ABCA3: variants seen among roughly 807,000 people sequenced by gnomAD.
ABCA3 encodes the protein ATP binding cassette subfamily A member 3.
In ABCA3, 88 loss-of-function variants were observed where a neutral mutation model predicts 172.8. The observed-to-expected ratio is 0.51, with a 90% CI of 0.43 to 0.61. ABCA3 has a LOEUF of 0.61. Ranked by LOEUF, ABCA3 falls within the 20% of genes least tolerant of loss-of-function variation. The probability of loss-of-function intolerance (pLI) is 0.00; values close to 1 mark genes in which losing one functional copy is unlikely to be tolerated. For missense variants in ABCA3, 2,164 were observed against 2,301.0 expected, an observed-to-expected ratio of 0.94 and a Z score of 1.22; for synonymous variants, 1,066 against 983.8, an observed-to-expected ratio of 1.08 and a Z score of -1.56.
intron 7 of ABCA3, chr16:2,323,258 G>A (rs1278303045): frequency 3.6e-6 from 2 of 548,728 alleles, no homozygotes; most frequent in Non-Finnish European, 6.5e-6. Flanking sequence ...GATTCCTCAG[G>A]GATCTAGAAC....
chr16:2,277,218 C>A lies in ABCA3; in HGVS notation c.4983+379G>T, dbSNP rs2093647880. On this transcript the variant is annotated intron_variant, in intron 32 of 32. Coordinates refer to ENST00000301732, the MANE Select transcript of ABCA3 (RefSeq NM_001089.3). This position sits in a 1 kb window ranked among gnomAD's most constrained non-coding sequence, Gnocchi z 5.3. The stretch of plus-strand genomic sequence containing the variant: ...TCAAGCGATCCTCCCACCTTAGCCT[C>A]CCGAGTGGCTGGGACTACAGGTATG... 6.6e-6 allele frequency among the ~76,000 whole-genome samples: 1 copy of A among 152,182 alleles called. No individual in the cohort carries two copies. Among genetic ancestry groups the A allele is most frequent in the Admixed American group, 6.5e-5 (1 of 15,280 alleles).
chr16:2,330,692 C>A (rs1323421770), intron 1 of ABCA3, among the ~76,000 whole-genome samples: 2 of 123,770 alleles, frequency 1.6e-5, no homozygotes, highest in Non-Finnish European at 3.2e-5. Flanking sequence ...TCTGGCAACA[C>A]CACCCTTTTT....
At chr16:2,338,349 C>T (rs146138037) in intron 1 of ABCA3, among the ~76,000 whole-genome samples, 18 of 152,354 alleles carry the variant, frequency 1.2e-4, no homozygotes, top group African/African-American at 4.1e-4. Context: ...GAATATCACC[C>T]GGATACCTTT....
At chr16:2,332,738 T>G in intron 1 of ABCA3, 1 of 1,131,042 alleles carries the variant, frequency 8.8e-7, no homozygotes, top group Non-Finnish European at 1.3e-6. Flanking sequence ...GATTGCCTCC[T>G]CCATTTCTTT....
intron 7 of ABCA3, among the ~76,000 whole-genome samples, chr16:2,320,217 G>A (rs1388617921): frequency 1.3e-5 from 2 of 151,624 alleles, no homozygotes; most frequent in Non-Finnish European, 2.9e-5. Context: ...TCCTGCCTCA[G>A]CCTCCCGAGT....
chr16:2,290,002 C>CACACACA (rs10675689), intron 19 of ABCA3, among the ~76,000 whole-genome samples: 2 of 147,176 alleles, frequency 1.4e-5, no homozygotes, highest in South Asian at 2.2e-4. Context: ...CACACACACA[C>CACACACA]CCCTTCCTAG....
intron 17 of ABCA3, among the ~76,000 whole-genome samples, chr16:2,296,498 G>A (rs1596842140): frequency 1.3e-5 from 2 of 152,340 alleles, no homozygotes; most frequent in East Asian, 3.9e-4. Flanking sequence ...GCCTCCCAAA[G>A]TGCTGGGATT....
intron 10 of ABCA3, among the ~76,000 whole-genome samples, chr16:2,316,025 AAAGTT>A (rs2093714844): frequency 6.6e-6 from 1 of 150,408 alleles, no homozygotes; most frequent in Non-Finnish European, 1.5e-5. Flanking sequence ...GACAACAACA[AAAGTT>A]AGGAGGTCAG....
intron 1 of ABCA3, among the ~76,000 whole-genome samples, chr16:2,335,642 C>T (rs1408170654): frequency 6.6e-6 from 1 of 152,174 alleles, no homozygotes; most frequent in Non-Finnish European, 1.5e-5. Flanking sequence ...GCCGTGGCAT[C>T]CTGACTGAGG....
In ABCA3 at chr16:2,283,649, G is replaced by A; in HGVS notation, c.3863-291C>T. On this transcript the variant is annotated intron_variant, in intron 25 of 32. Transcript: ENST00000301732. This position sits in a 1 kb window ranked among gnomAD's most constrained non-coding sequence, Gnocchi z 5.4. ...CTGCGTGAATCCTGGGCTGCCTCCT[G>A]ACCAGGACAGAGACCGTTACAAGCA... 2.2e-6 allele frequency: 1 copy of A among 445,194 alleles called. No individual in the cohort carries two copies. The highest frequency in any genetic ancestry group is 4.2e-6 in the Non-Finnish European group (1 of 239,538). 27.6% of individuals were successfully genotyped at this position (445,194 alleles called of 1,614,324 possible). A position where few individuals can be genotyped will look rare whatever the true frequency, so the allele number is the denominator to read the frequency against.
chr16:2,338,721 C>T (rs1415125955), intron 1 of ABCA3, among the ~76,000 whole-genome samples: 1 of 151,480 alleles, frequency 6.6e-6, no homozygotes, highest in Non-Finnish European at 1.5e-5. Flanking sequence ...CCTAAGACCC[C>T]TCCAAGAGCA....
Position 2,324,390 on chromosome 16 carries a change from G to A in ABCA3, c.447+14C>T. ...TGATGGGCTGTGACTGCTCGGCCCGGCCGCACGTCTCACCGCCAGCGGCAG... is the reference window on the plus strand; with the variant it reads ...TGATGGGCTGTGACTGCTCGGCCCGACCGCACGTCTCACCGCCAGCGGCAG... On this transcript the variant is annotated intron_variant, in intron 6 of 32. Coordinates refer to ENST00000301732, the MANE Select transcript of ABCA3 (RefSeq NM_001089.3). 1 of 1,584,198 alleles carries A rather than the reference G, an allele frequency of 6.3e-7. No individual in the cohort carries two copies. The highest frequency in any genetic ancestry group is 2.3e-5 in the East Asian group (1 of 44,052).
chr16:2,283,177 G>A lies in ABCA3; in HGVS notation c.4035+9C>T, dbSNP rs755072660. ...CTCGCCAGTGTCCTGGGCTCCCGGA[G>A]CCACTCACCAGTGTCCGCCTCCTCC... On this transcript the variant is annotated intron_variant, in intron 26 of 32. Coordinates refer to ENST00000301732, the MANE Select transcript of ABCA3 (RefSeq NM_001089.3). The surrounding 1 kb of genome is among the most constrained non-coding windows in gnomAD (Gnocchi z 5.4). 1 of 1,612,426 alleles carries A rather than the reference G, an allele frequency of 6.2e-7. No individual in the cohort carries two copies. The highest frequency in any genetic ancestry group is 2.2e-5 in the East Asian group (1 of 44,866).
At chr16:2,326,306 G>T (rs772457460) in intron 4 of ABCA3, 32 bp from the exon 5 acceptor site, 1 of 1,611,452 alleles carries the variant, frequency 6.2e-7, no homozygotes, top group Non-Finnish European at 8.5e-7. Flanking sequence ...ACGGTGATGG[G>T]CTGCAAGGCA....
intron 13 of ABCA3, 74 bp downstream of exon 13, chr16:2,299,931 C>A: frequency 6.3e-7 from 1 of 1,598,682 alleles, no homozygotes; most frequent in East Asian, 2.2e-5. Context: ...GCTATGAGGT[C>A]TCACTGCCGT....
At chr16:2,332,590 A>T in intron 1 of ABCA3, 1 of 1,463,896 alleles carries the variant, frequency 6.8e-7, no homozygotes, top group Non-Finnish European at 9.5e-7. Context: ...GAGAAGCAAA[A>T]CTGGCTCCAG....
intron 1 of ABCA3, among the ~76,000 whole-genome samples, chr16:2,333,689 CTT>C (rs879623326): frequency 2.1e-4 from 29 of 138,822 alleles, no homozygotes; most frequent in African/African-American, 3.5e-4. Flanking sequence ...AAATAACATT[CTT>C]TTTTTTTTTT....
chr16:2,285,554 G>A lies in ABCA3; in HGVS notation c.3371C>T (p.Ala1124Val). The stretch of plus-strand genomic sequence containing the variant: ...AAACTGCACATGCTTGGCCTGCACG[G>A]CCCTCTCGCTGACCGCCAGGATGGA... ...TFSILAVSER[A>V]VQAKHVQFVS... The change falls in exon 23 of 33, where the codon GCC becomes GTC. Residue 1124 changes from alanine (A) to valine (V), a missense_variant. By Grantham distance (64) the Ala-to-Val change is moderately conservative. Around this residue, in one of 3 missense-constraint regions of ABCA3, gnomAD observed 795 missense variants for 881.9 expected, o/e 0.90. Coordinates refer to ENST00000301732, the MANE Select transcript of ABCA3 (RefSeq NM_001089.3). This position sits in a 1 kb window ranked among gnomAD's most constrained non-coding sequence, Gnocchi z 4.7. The A allele has an allele frequency of 1.3e-6, 2 of 1,589,378 alleles. No individual in the cohort carries two copies. Among genetic ancestry groups the A allele is most frequent in the Non-Finnish European group, 1.7e-6 (2 of 1,167,556 alleles).
rs189737924 is a variant in ABCA3, at chr16:2,281,096, G to C, written c.4290C>G (p.Thr1430=). 25 of 1,613,798 alleles carry C rather than the reference G, an allele frequency of 1.5e-5. No homozygotes were observed. The highest frequency in any genetic ancestry group is 1.3e-4 in the Admixed American group (8 of 60,024). ...CCCCAGAAGTGAGGCTCTCCTCCCC[G>C]GTCAGCATTTTGAAAGTCGTGGTCT... ...AGKTTTFKML[T]GEESLTSGDA... The change falls in exon 28 of 33, where the codon ACC becomes ACG. Residue 1430 remains threonine, a synonymous_variant. Transcript: ENST00000301732. This position sits in a 1 kb window ranked among gnomAD's most constrained non-coding sequence, Gnocchi z 4.7.
Sources: gnomAD v4.1 joint callset for allele counts (sites outside exome capture counted in the v4.1 genomes callset) on GRCh38, gnomAD v4.1.1 for gene constraint, gnomAD v4.1.1 regional missense constraint, Gnocchi (gnomAD v3.1) non-coding constraint, MANE v1.5 for transcripts, NCBI Gene and HGNC (gene_info 2026-07-23, HGNC 2026-07-21) for gene names.